The following PLPPR4 variants were observed in gnomAD, a reference collection of about 807,000 sequenced individuals.
The protein encoded by PLPPR4 is phospholipid phosphatase-related protein type 4.
Under a neutral mutation model 56.6 loss-of-function variants are expected in PLPPR4, and 24 were observed. That is an observed-to-expected ratio of 0.42 (90% CI 0.31 to 0.60). The LOEUF (loss-of-function observed/expected upper bound fraction) is 0.60, where lower values mean the gene tolerates loss of function less well. Ranked by LOEUF, PLPPR4 falls within the 20% of genes least tolerant of loss-of-function variation. PLPPR4 has a pLI of 0.13. For missense variants in PLPPR4, 654 were observed against 885.8 expected (o/e 0.74, Z 3.32); for synonymous variants, 326 against 328.1 (o/e 0.99, Z 0.07).
At position 99,308,805 on chromosome 1, in the gene PLPPR4, G is replaced by C. The variant is rs919740250; in HGVS notation, c.*1795G>C. 6.6e-6 allele frequency: 1 copy of C among 152,554 alleles called. No homozygotes were observed. Among genetic ancestry groups the C allele is most frequent in the African/African-American group, 2.4e-5 (1 of 41,404 alleles). The allele number at this position is 152,554 out of a possible 1,614,324, so 9.5% of individuals were successfully genotyped here. A position where few individuals can be genotyped will look rare whatever the true frequency, so the allele number is the denominator to read the frequency against. ...TCTGGCAATTTCCTTCTCAGAGAGG[G>C]GAGTGGGAATAAAATGTTGCCTTCC... On this transcript the variant is annotated 3_prime_UTR_variant, in exon 7 of 7. Coordinates refer to ENST00000370185, the MANE Select transcript of PLPPR4 (RefSeq NM_014839.5).
In PLPPR4 at chr1:99,308,869, G is replaced by T. The variant is rs1423147083; in HGVS notation, c.*1859G>T. 1.3e-5 allele frequency: 2 copies of T among 152,508 alleles called. No homozygotes were observed. The highest frequency in any genetic ancestry group is 4.8e-5 in the African/African-American group (2 of 41,392). The allele number at this position is 152,508 out of a possible 1,614,324, so 9.4% of individuals were successfully genotyped here. On this transcript the variant is annotated 3_prime_UTR_variant, in exon 7 of 7. Coordinates refer to ENST00000370185, the MANE Select transcript of PLPPR4 (RefSeq NM_014839.5). ...CCACCGCCATCATGACGCTCATACT[G>T]GCTTTTGCCTGTTTGTAGAGGAAAA...
intron 1 of PLPPR4, among the ~76,000 whole-genome samples, chr1:99,267,084 C>A (rs558464551): frequency 6.6e-6 from 1 of 152,328 alleles, no homozygotes; most frequent in East Asian, 1.9e-4. Context: ...ATATTTTTAG[C>A]CTTCTCTGTT....
rs550978597 is a variant in PLPPR4, at chr1:99,308,929, C to T, written c.*1919C>T. 6.6e-6 allele frequency: 1 copy of T among 152,568 alleles called. No homozygotes were observed. The highest frequency in any genetic ancestry group is 2.4e-5 in the African/African-American group (1 of 41,430). 9.5% of individuals were successfully genotyped at this position (152,568 alleles called of 1,614,324 possible). A position where few individuals can be genotyped will look rare whatever the true frequency, so the allele number is the denominator to read the frequency against. ...GTTTTAGTACTCTGAAGGACAAAAACAAGCAAACAAAAACCCCTGCTGCAG... is the reference window on the plus strand; with the variant it reads ...GTTTTAGTACTCTGAAGGACAAAAATAAGCAAACAAAAACCCCTGCTGCAG... On this transcript the variant is annotated 3_prime_UTR_variant, in exon 7 of 7. Transcript: ENST00000370185.
At chr1:99,295,060 G>T (rs1269184194) in intron 2 of PLPPR4, among the ~76,000 whole-genome samples, 3 of 152,176 alleles carry the variant, frequency 2.0e-5, no homozygotes, top group Non-Finnish European at 4.4e-5. Context: ...GAATTTCTAT[G>T]TCTAACTTGA....
chr1:99,307,055 G>T lies in PLPPR4; in HGVS notation c.*45G>T. 1 of 1,539,076 alleles carries T rather than the reference G, an allele frequency of 6.5e-7. No homozygotes were observed. Among genetic ancestry groups the T allele is most frequent in the Non-Finnish European group, 8.7e-7 (1 of 1,149,564 alleles). On this transcript the variant is annotated 3_prime_UTR_variant, in exon 7 of 7. Transcript: ENST00000370185. ...TAGGGCTACTCGCAAAAGACCATAT[G>T]TTGATTCTACCTGTGTTCTGTTCCA... is the stretch of plus-strand genomic sequence containing the variant.
chr1:99,285,908 G>GTGATATT (rs1659451925), intron 1 of PLPPR4, among the ~76,000 whole-genome samples: 1 of 152,192 alleles, frequency 6.6e-6, no homozygotes, highest in African/African-American at 2.4e-5. Flanking sequence ...TTAAGCATGT[G>GTGATATT]TGATATTTTC....
At chr1:99,264,874 C>G (rs1434856495) in intron 1 of PLPPR4, among the ~76,000 whole-genome samples, 1 of 152,140 alleles carries the variant, frequency 6.6e-6, no homozygotes, top group Admixed American at 6.5e-5. Flanking sequence ...GGGGTGATTA[C>G]CATTAGAGGT....
intron 2 of PLPPR4, among the ~76,000 whole-genome samples, chr1:99,295,452 C>G (rs985300824): frequency 4.6e-5 from 7 of 152,004 alleles, no homozygotes; most frequent in Non-Finnish European, 1.0e-4. Flanking sequence ...TATGGAAAAC[C>G]TGTTTCAGTC....
intron 1 of PLPPR4, among the ~76,000 whole-genome samples, chr1:99,275,089 G>T (rs1175567701): frequency 6.6e-6 from 1 of 152,030 alleles, no homozygotes; most frequent in Non-Finnish European, 1.5e-5. Flanking sequence ...ATCTGAAAAT[G>T]CCTGTATTGT....
intron 1 of PLPPR4, among the ~76,000 whole-genome samples, chr1:99,277,507 G>A (rs149941849): frequency 0.014 from 2,117 of 152,178 alleles, 28 homozygotes; most frequent in Non-Finnish European, 0.02. Context: ...AAATTGATGT[G>A]GATGGTCTGA....
chr1:99,296,818 T>C lies in PLPPR4; in HGVS notation c.345T>C (p.Ala115=). ...TCGGACTAGAGCCCAACATTAATGC[T>C]GGAGGCTGCAACTTCAATTCCTTCC... ...NGVGLEPNIN[A]GGCNFNSFLR... is the part of the protein sequence containing the mutation. The change falls in exon 3 of 7, where the codon GCT becomes GCC. Residue 115 remains alanine (A), a synonymous_variant. Transcript: ENST00000370185. 8 of 1,600,576 alleles carry C rather than the reference T, an allele frequency of 5.0e-6. No individual in the cohort carries two copies. Among genetic ancestry groups the C allele is most frequent in the Non-Finnish European group, 6.8e-6 (8 of 1,170,814 alleles).
rs112516642 is a variant in PLPPR4, at chr1:99,301,299, G to GCA, written c.648+351_648+352dup. Among the ~76,000 whole-genome samples the GCA allele has an allele frequency of 1.1e-3, 164 of 150,056 alleles. 2 individuals carry two copies. The highest frequency in any genetic ancestry group is 3.4e-3 in the Middle Eastern group (1 of 294). On this transcript the variant is annotated intron_variant, in intron 5 of 6. Transcript: ENST00000370185. ...AAGTACCCACAAAGACATACAACGTGCACACACACACACACACACGTACGC... is the reference window on the plus strand; with the variant it reads ...AAGTACCCACAAAGACATACAACGTGCACACACACACACACACACACGTACGC...
intron 1 of PLPPR4, among the ~76,000 whole-genome samples, chr1:99,270,026 TG>T: frequency 6.6e-6 from 1 of 151,350 alleles, no homozygotes; most frequent in Non-Finnish European, 1.5e-5. Context: ...TGTGTGTGTG[TG>T]TGTGTGTGTG....
chr1:99,305,848 A>G lies in PLPPR4; in HGVS notation c.986A>G (p.Asn329Ser), dbSNP rs1660010593. The G allele has an allele frequency of 6.2e-7, 1 of 1,614,162 alleles. No homozygotes were observed. ...ATTGCTCATACAGAAGGCATCCTCA[A>G]CCGAAACCACAGAGATGCTAGCTCT... ...DGIAHTEGILNRNHRDASSLT... is the reference protein window; with the variant it reads ...DGIAHTEGILSRNHRDASSLT... Residue 329 changes from asparagine to serine, a missense_variant, in exon 7 of 7, where the codon AAC (asparagine) becomes AGC (serine). Asn to Ser is a conservative substitution (Grantham distance 46). Coordinates refer to ENST00000370185, the MANE Select transcript of PLPPR4 (RefSeq NM_014839.5).
chr1:99,306,941 C>A lies in PLPPR4; in HGVS notation c.2079C>A (p.Ser693Arg). The change falls in exon 7 of 7, where the codon AGC (serine) becomes AGA (arginine). Residue 693 changes from serine to arginine, a missense_variant. Coordinates refer to ENST00000370185, the MANE Select transcript of PLPPR4 (RefSeq NM_014839.5). This position sits in a 1 kb window ranked among gnomAD's most constrained non-coding sequence, Gnocchi z 4.0. ...KGNIILIPER[S>R]NSPENTRNIF... Reference sequence around the variant, plus strand: ...ATATCATTCTAATCCCTGAAAGAAGCAACAGCCCCGAAAACACTAGAAATA... The same window carrying A: ...ATATCATTCTAATCCCTGAAAGAAGAAACAGCCCCGAAAACACTAGAAATA... 6.2e-7 allele frequency: 1 copy of A among 1,613,700 alleles called. No individual in the cohort carries two copies. Among genetic ancestry groups the A allele is most frequent in the Non-Finnish European group, 8.5e-7 (1 of 1,179,974 alleles).
intron 1 of PLPPR4, among the ~76,000 whole-genome samples, chr1:99,279,297 A>C (rs573126762): frequency 7.9e-5 from 12 of 152,308 alleles, no homozygotes; most frequent in African/African-American, 2.6e-4. Flanking sequence ...ATCCGAAGGA[A>C]GCACTAAAAG....
chr1:99,264,964 C>T (rs2100778971), intron 1 of PLPPR4, among the ~76,000 whole-genome samples: 1 of 152,310 alleles, frequency 6.6e-6, no homozygotes, highest in East Asian at 1.9e-4. Flanking sequence ...CCTGTAGTGC[C>T]TGTGTGCACA....
chr1:99,264,456 C>A (rs534742126), upstream of PLPPR4: 6 of 1,493,832 alleles, frequency 4.0e-6, no homozygotes, highest in African/African-American at 2.8e-5. Flanking sequence ...CTGCATGCAG[C>A]GCGCTGGCTC....
intron 1 of PLPPR4, among the ~76,000 whole-genome samples, chr1:99,273,223 G>A (rs777361338): frequency 1.5e-4 from 23 of 152,058 alleles, no homozygotes; most frequent in Non-Finnish European, 2.8e-4. Context: ...TGGCTGTCAA[G>A]CAACATAGAG....
Sources: gnomAD v4.1 joint callset for allele counts (sites outside exome capture counted in the v4.1 genomes callset) on GRCh38, gnomAD v4.1.1 for gene constraint, Gnocchi (gnomAD v3.1) non-coding constraint, MANE v1.5 for transcripts, NCBI Gene and HGNC (gene_info 2026-07-23, HGNC 2026-07-21) for gene names.